TGOLN2: variants seen among roughly 807,000 people sequenced by gnomAD.
TGOLN2 encodes trans-Golgi network integral membrane protein 2.
In TGOLN2, 19 loss-of-function variants were observed where a neutral mutation model predicts 31.3. The ratio of observed to expected loss-of-function variants is 0.61; its 90% CI spans 0.42 to 0.89. The LOEUF (loss-of-function observed/expected upper bound fraction) is 0.89, where lower values mean the gene tolerates loss of function less well. TGOLN2 is among the 40% of genes least tolerant of loss of function. TGOLN2 has a pLI of 0.00. For missense variants in TGOLN2, 540 were observed against 559.2 expected (o/e 0.97, Z 0.35); for synonymous variants, 222 against 226.7 (o/e 0.98, Z 0.19).
chr2:85,327,773 G>C, intron 1 of TGOLN2, 88 bp from the exon 2 acceptor site: 4 of 635,820 alleles, frequency 6.3e-6, no homozygotes, highest in Non-Finnish European at 1.0e-5. Flanking sequence ...AGCAGCGGGG[G>C]AATGGGGATT....
chr2:85,326,483 C>T (rs889303128), intron 2 of TGOLN2, 25 bp downstream of exon 2: 1 of 1,604,596 alleles, frequency 6.2e-7, no homozygotes, highest in African/African-American at 1.3e-5. Flanking sequence ...CCCCACTCCC[C>T]TCCGGAAGGC....
At chr2:85,324,169 T>A (rs1187480474) in intron 3 of TGOLN2, among the ~76,000 whole-genome samples, 1 of 152,172 alleles carries the variant, frequency 6.6e-6, no homozygotes, top group Non-Finnish European at 1.5e-5. Flanking sequence ...ATGCCTGTAA[T>A]CTCAGCACTT....
In TGOLN2 at chr2:85,327,945, G is replaced by A. The variant is rs1044958; in HGVS notation, c.18C>T (p.Ala6=). The change falls in exon 1 of 4, where the codon GCC becomes GCT. Residue 6 remains alanine, a synonymous_variant. Transcript: ENST00000377386. ...CCGCTGCGACGTTCAGGAGGACCAA[G>A]GCAACCACGAACCGCATCCTGCTCG... MRFVV[A]LVLLNVAAAG... 3 of 1,601,808 alleles carry A rather than the reference G, an allele frequency of 1.9e-6. No homozygotes were observed. Among genetic ancestry groups the A allele is most frequent in the East Asian group, 2.3e-5 (1 of 44,422 alleles).
intron 3 of TGOLN2, 138 bp downstream of exon 3, chr2:85,324,777 C>A: frequency 1.3e-6 from 1 of 754,900 alleles, no homozygotes; most frequent in South Asian, 1.5e-5. Context: ...CTAAAAAGGG[C>A]GAATGCAACA....
intron 3 of TGOLN2, chr2:85,324,625 A>T (rs1682667884): frequency 1.9e-5 from 9 of 476,362 alleles, no homozygotes; most frequent in Non-Finnish European, 2.6e-5. Flanking sequence ...GTAGAAACTT[A>T]GCGGAAAAAA....
chr2:85,325,046 A>G, intron 2 of TGOLN2, 48 bp from the exon 3 acceptor site: 1 of 1,532,150 alleles, frequency 6.5e-7, no homozygotes, highest in Non-Finnish European at 8.9e-7. Flanking sequence ...CTGTAATGAC[A>G]TAGTTCAGTC....
In TGOLN2 at chr2:85,324,785, A is replaced by G. The variant is rs970752074; in HGVS notation, c.1308+130T>C. Reference sequence around the variant, plus strand: ...TTGTTGTCTAAAAAGGGCGAATGCAACAGCAACAGCAACCGCATCCCCAGA... The same window carrying G: ...TTGTTGTCTAAAAAGGGCGAATGCAGCAGCAACAGCAACCGCATCCCCAGA... On this transcript the variant is annotated intron_variant, in intron 3 of 3. Coordinates refer to ENST00000377386, the MANE Select transcript of TGOLN2 (RefSeq NM_006464.4). The G allele has an allele frequency of 2.0e-5, 16 of 798,998 alleles. No individual in the cohort carries two copies. The Middle Eastern group carries it at 1.0e-3, about 52-fold the overall frequency. 49.5% of individuals were successfully genotyped at this position (798,998 alleles called of 1,614,324 possible).
chr2:85,327,902 G>C lies in TGOLN2; in HGVS notation c.46+15C>G, dbSNP rs759506547. 4.1e-5 allele frequency: 66 copies of C among 1,596,756 alleles called. No individual in the cohort carries two copies. Among genetic ancestry groups the C allele is most frequent in the Non-Finnish European group, 5.2e-5 (61 of 1,171,760 alleles). On this transcript the variant is annotated intron_variant, in intron 1 of 3. Coordinates refer to ENST00000377386, the MANE Select transcript of TGOLN2 (RefSeq NM_006464.4). The stretch of plus-strand genomic sequence containing the variant: ...ATCTGGGGGCAAGAGTGGGATGCGG[G>C]ATGGAGGGTCTTACCCGCCGCTGCG...
Position 85,322,577 on chromosome 2 carries a change from G to A in TGOLN2, c.*159C>T. The A allele has an allele frequency of 1.4e-6, 2 of 1,465,616 alleles. No individual in the cohort carries two copies. The highest frequency in any genetic ancestry group is 1.3e-5 in the South Asian group (1 of 75,948). The allele number at this position is 1,465,616 out of a possible 1,614,324, so 90.8% of individuals were successfully genotyped here. A position where few individuals can be genotyped will look rare whatever the true frequency, so the allele number is the denominator to read the frequency against. On this transcript the variant is annotated 3_prime_UTR_variant, in exon 4 of 4. Coordinates refer to ENST00000377386, the MANE Select transcript of TGOLN2 (RefSeq NM_006464.4). ...CCGCCACTAAATTCTAGAGGAGGGT[G>A]TCTCTCAGGTCACAGTACTTTTTTC...
chr2:85,322,036 A>G lies in TGOLN2; in HGVS notation c.*700T>C, dbSNP rs1480258886. 1 of 152,352 alleles carries G rather than the reference A, an allele frequency of 6.6e-6. No homozygotes were observed. The highest frequency in any genetic ancestry group is 1.9e-4 in the East Asian group (1 of 5,202). The allele number at this position is 152,352 out of a possible 1,614,324, so 9.4% of individuals were successfully genotyped here. On this transcript the variant is annotated 3_prime_UTR_variant, in exon 4 of 4. Coordinates refer to ENST00000377386, the MANE Select transcript of TGOLN2 (RefSeq NM_006464.4). ...GTTGATTCACTTTGTCTCAAGCTAC[A>G]TAAAATAATCAGAAAATCAAGAAGA...
rs1257575233 is a variant in TGOLN2, at chr2:85,327,305, C to T, written c.427G>A (p.Glu143Lys). Residue 143 changes from glutamate to lysine, a missense_variant, in exon 2 of 4, where the codon GAG (glutamate) becomes AAG (lysine). Glu to Lys is a moderately conservative substitution (Grantham distance 56). Coordinates refer to ENST00000377386, the MANE Select transcript of TGOLN2 (RefSeq NM_006464.4). ...PKDSTGKSGA[E>K]AQTPEDSPNR... is the part of the protein sequence containing the mutation. Reference sequence around the variant, plus strand: ...GGGCTGTCTTCTGGGGTCTGCGCCTCCGCACCCGATTTGCCAGTGCTGTCT... The same window carrying T: ...GGGCTGTCTTCTGGGGTCTGCGCCTTCGCACCCGATTTGCCAGTGCTGTCT... 1.2e-6 allele frequency: 2 copies of T among 1,611,102 alleles called. No homozygotes were observed. Among genetic ancestry groups the T allele is most frequent in the African/African-American group, 2.7e-5 (2 of 74,892 alleles).
rs2104403341 is a variant in TGOLN2, at chr2:85,319,066, C to G, written c.*3670G>C. On this transcript the variant is annotated 3_prime_UTR_variant, in exon 4 of 4. Transcript: ENST00000377386. ...AGCGATGCCTCAGCCAGCTCACCCT[C>G]ATCCACACAATCGCTAGAAAACATG... The G allele has an allele frequency of 6.6e-6, 1 of 152,338 alleles. No individual in the cohort carries two copies. The highest frequency in any genetic ancestry group is 2.1e-4 in the South Asian group (1 of 4,830). 9.4% of individuals were successfully genotyped at this position (152,338 alleles called of 1,614,324 possible). A position where few individuals can be genotyped will look rare whatever the true frequency, so the allele number is the denominator to read the frequency against.
At chr2:85,326,467 T>C (rs1226602699) in intron 2 of TGOLN2, 41 bp downstream of exon 2, 2 of 1,593,844 alleles carry the variant, frequency 1.3e-6, no homozygotes, top group East Asian at 2.2e-5. Flanking sequence ...TCCAGGGTGC[T>C]GGAAACCCCA....
rs758707065 is a variant in TGOLN2 at position 85,326,617 on chromosome 2, G to C, written c.1115C>G (p.Pro372Arg). The C allele has an allele frequency of 5.0e-6, 8 of 1,614,010 alleles. No homozygotes were observed. The highest frequency in any genetic ancestry group is 2.2e-5 in the East Asian group (1 of 44,884). Reference sequence around the variant, plus strand: ...CGCGCTGCCATTTCCAGAACCGTTCGGATAAAGGTCATCCTTCTCGCTACC... The same window carrying C: ...CGCGCTGCCATTTCCAGAACCGTTCCGATAAAGGTCATCCTTCTCGCTACC... ...STGSEKDDLYPNGSGNGSAES... is the reference protein window; with the variant it reads ...STGSEKDDLYRNGSGNGSAES... Residue 372 changes from proline to arginine, a missense_variant, in exon 2 of 4, where the codon CCG (proline) becomes CGG (arginine). Transcript: ENST00000377386.
chr2:85,319,530 C>T lies in TGOLN2; in HGVS notation c.*3206G>A, dbSNP rs905608003. The stretch of plus-strand genomic sequence containing the variant: ...TAAATCCTGTTGTATTCTTTCAACA[C>T]AAGCAATGATACTTCTCAGAGTCTG... On this transcript the variant is annotated 3_prime_UTR_variant, in exon 4 of 4. Coordinates refer to ENST00000377386, the MANE Select transcript of TGOLN2 (RefSeq NM_006464.4). 1.3e-5 allele frequency: 2 copies of T among 152,142 alleles called. No homozygotes were observed. The highest frequency in any genetic ancestry group is 4.8e-5 in the African/African-American group (2 of 41,432). 9.4% of individuals were successfully genotyped at this position (152,142 alleles called of 1,614,324 possible). A position where few individuals can be genotyped will look rare whatever the true frequency, so the allele number is the denominator to read the frequency against.
intron 3 of TGOLN2, chr2:85,324,421 CAA>C (rs1357489163): frequency 1.5e-3 from 180 of 123,688 alleles, no homozygotes; most frequent in South Asian, 5.3e-3. Flanking sequence ...ACTCCATCTC[CAA>C]AAAAAAAAAA....
chr2:85,325,773 G>A (rs1007833446), intron 2 of TGOLN2, among the ~76,000 whole-genome samples: 3 of 152,134 alleles, frequency 2.0e-5, no homozygotes, highest in Non-Finnish European at 4.4e-5. Flanking sequence ...CCACTGCACC[G>A]GGCCAGGAAT....
intron 1 of TGOLN2, 88 bp from the exon 2 acceptor site, chr2:85,327,773 GA>G: frequency 9.4e-6 from 6 of 635,800 alleles, no homozygotes; most frequent in African/African-American, 3.9e-5. Flanking sequence ...AGCAGCGGGG[GA>G]ATGGGGATTG....
intron 2 of TGOLN2, among the ~76,000 whole-genome samples, chr2:85,326,234 T>C (rs1682723159): frequency 6.6e-6 from 1 of 152,204 alleles, no homozygotes; most frequent in Non-Finnish European, 1.5e-5. Context: ...TGCAAAGTTA[T>C]GGGAGGAGAT....
Sources: allele counts gnomAD v4.1 joint callset (sites outside exome capture counted in the v4.1 genomes callset), GRCh38; gene constraint gnomAD v4.1.1; transcripts MANE v1.5; gene names NCBI Gene and HGNC (gene_info 2026-07-23, HGNC 2026-07-21).